SNX22: variants seen among roughly 807,000 people sequenced by gnomAD.
The protein encoded by SNX22 is sorting nexin-22.
SNX22 carries 23 observed loss-of-function variants against 24.7 expected under a neutral mutation model. The observed-to-expected ratio is 0.93, with a 90% CI of 0.67 to 1.32. SNX22 has a LOEUF of 1.32. Ranked by LOEUF, SNX22 falls within the 40% of genes most tolerant of loss-of-function variation. The pLI is 0.00. For missense variants in SNX22, 261 were observed against 249.9 expected, an observed-to-expected ratio of 1.04 and a Z score of -0.30; for synonymous variants, 99 against 104.0, an observed-to-expected ratio of 0.95 and a Z score of 0.29.
At position 64,153,951 on chromosome 15, in the gene SNX22, C is replaced by A. The variant is rs747425611; in HGVS notation, c.409C>A (p.Arg137=). The part of the protein sequence containing the change: ...PGDSSSQQHQ[R]PVLSFHVDPY... ...TCCTCCCAGCTCCCAGCAGCACCAG[C>A]GGCCTGTCCTGAGCTTCCATGTGGA... Residue 137 remains arginine (R), a synonymous_variant, in exon 6 of 7, where the codon CGG becomes AGG. Coordinates refer to ENST00000325881, the MANE Select transcript of SNX22 (RefSeq NM_024798.3). 3.1e-6 allele frequency: 5 copies of A among 1,612,826 alleles called. No individual in the cohort carries two copies. Among genetic ancestry groups the A allele is most frequent in the Admixed American group, 3.3e-5 (2 of 59,954 alleles).
chr15:64,152,378 C>A, intron 2 of SNX22, 52 bp downstream of exon 2: 1 of 1,470,720 alleles, frequency 6.8e-7, no homozygotes, highest in Non-Finnish European at 9.0e-7. Flanking sequence ...TGTCCAGCCC[C>A]CGCCCAGGCC....
intron 5 of SNX22, 73 bp from the exon 6 acceptor site, chr15:64,153,862 C>T: frequency 1.9e-6 from 3 of 1,591,600 alleles, no homozygotes; most frequent in South Asian, 2.3e-5. Flanking sequence ...GTGATGGCAA[C>T]CCCGTCTCCA....
At position 64,156,941 on chromosome 15, in the gene SNX22, C is replaced by T. The variant is rs775555112; in HGVS notation, c.*2433C>T. 6.2e-7 allele frequency: 1 copy of T among 1,609,740 alleles called. No individual in the cohort carries two copies. The highest frequency in any genetic ancestry group is 1.1e-5 in the South Asian group (1 of 90,944). The stretch of plus-strand genomic sequence containing the variant: ...AAAAAGACAGAGCAGGTCAGGGGCG[C>T]TGGATTGCGCCAAACCAAGCAGACA... On this transcript the variant is annotated 3_prime_UTR_variant, in exon 7 of 7. Transcript: ENST00000325881. The surrounding 1 kb of genome is among the most constrained non-coding windows in gnomAD (Gnocchi z 6.4).
Position 64,156,341 on chromosome 15 carries a change from T to C in SNX22, c.*1833T>C. ...CAGATTTGACGAGGGGGTACAGGAA[T>C]TTTGTTCCTTTGAAGTAAGACCCAG... is the stretch of plus-strand genomic sequence containing the variant. On this transcript the variant is annotated 3_prime_UTR_variant, in exon 7 of 7. Coordinates refer to ENST00000325881, the MANE Select transcript of SNX22 (RefSeq NM_024798.3). This position sits in a 1 kb window ranked among gnomAD's most constrained non-coding sequence, Gnocchi z 6.4. 1 of 776,136 alleles carries C rather than the reference T, an allele frequency of 1.3e-6. No homozygotes were observed. The highest frequency in any genetic ancestry group is 1.6e-5 in the South Asian group (1 of 61,698). The allele number at this position is 776,136 out of a possible 1,614,324, so 48.1% of individuals were successfully genotyped here.
At chr15:64,152,465 C>T (rs1212008992) in intron 2 of SNX22, 139 bp downstream of exon 2, 2 of 1,245,278 alleles carry the variant, frequency 1.6e-6, no homozygotes, top group African/African-American at 1.5e-5. Flanking sequence ...GGTCAGCCCC[C>T]GGGCCTCTGT....
At chr15:64,153,787 GTC>G (rs1458090779) in intron 5 of SNX22, 103 bp downstream of exon 5, 1 of 1,601,532 alleles carries the variant, frequency 6.2e-7, no homozygotes, top group African/African-American at 1.3e-5. Flanking sequence ...GGGCCCTGAA[GTC>G]TGTTTTCCCT....
intron 2 of SNX22, 26 bp downstream of exon 2, chr15:64,152,352 GC>G: frequency 6.7e-7 from 1 of 1,495,912 alleles, no homozygotes; most frequent in Non-Finnish European, 8.8e-7. Context: ...CCTCCCACCG[GC>G]CCCGGCCCAG....
rs545762413 is a variant in SNX22 at position 64,157,275 on chromosome 15, A to G, written c.*2767A>G. Reference sequence around the variant, plus strand: ...CCGTGCAGGATGCAGGGGAGTCAACAGGGTCGGAACTCTCCAGAAAAGGAG... The same window carrying G: ...CCGTGCAGGATGCAGGGGAGTCAACGGGGTCGGAACTCTCCAGAAAAGGAG... On this transcript the variant is annotated 3_prime_UTR_variant, in exon 7 of 7. Coordinates refer to ENST00000325881, the MANE Select transcript of SNX22 (RefSeq NM_024798.3). The surrounding 1 kb of genome is among the most constrained non-coding windows in gnomAD (Gnocchi z 4.2). 2.7e-5 allele frequency: 8 copies of G among 298,578 alleles called. No homozygotes were observed. The highest frequency in any genetic ancestry group is 8.5e-5 in the African/African-American group (4 of 46,836). The allele number at this position is 298,578 out of a possible 1,614,324, so 18.5% of individuals were successfully genotyped here.
At position 64,157,288 on chromosome 15, in the gene SNX22, T is replaced by C. The variant is rs1325384860; in HGVS notation, c.*2780T>C. ...AGGGGAGTCAACAGGGTCGGAACTC[T>C]CCAGAAAAGGAGGACTGCTGTGGCT... On this transcript the variant is annotated 3_prime_UTR_variant, in exon 7 of 7. Coordinates refer to ENST00000325881, the MANE Select transcript of SNX22 (RefSeq NM_024798.3). This position sits in a 1 kb window ranked among gnomAD's most constrained non-coding sequence, Gnocchi z 4.2. The C allele has an allele frequency of 8.0e-6, 2 of 250,674 alleles. No individual in the cohort carries two copies. The highest frequency in any genetic ancestry group is 6.0e-5 in the South Asian group (1 of 16,608). 15.5% of individuals were successfully genotyped at this position (250,674 alleles called of 1,614,324 possible).
Position 64,153,314 on chromosome 15 carries a change from A to G in SNX22, c.334A>G (p.Thr112Ala). The change falls in exon 4 of 7, where the codon ACA (threonine) becomes GCA (alanine). Residue 112 changes from threonine (T) to alanine (A), a missense_variant. Coordinates refer to ENST00000325881, the MANE Select transcript of SNX22 (RefSeq NM_024798.3). ...LEFLRLRHFP[T>A]DPKASNWGTL... Reference sequence around the variant, plus strand: ...ATTCCTGAGACTTCGGCACTTCCCCACAGACCCCAAGGCTAGCAACTGGGG... The same window carrying G: ...ATTCCTGAGACTTCGGCACTTCCCCGCAGACCCCAAGGCTAGCAACTGGGG... 2.5e-6 allele frequency: 4 copies of G among 1,613,876 alleles called. No individual in the cohort carries two copies. The highest frequency in any genetic ancestry group is 3.4e-6 in the Non-Finnish European group (4 of 1,179,852).
chr15:64,154,459 C>A lies in SNX22; in HGVS notation c.533C>A (p.Ala178Asp), dbSNP rs1358533911. The A allele has an allele frequency of 6.2e-7, 1 of 1,614,062 alleles. No individual in the cohort carries two copies. The highest frequency in any genetic ancestry group is 1.3e-5 in the African/African-American group (1 of 74,932). Residue 178 changes from alanine (A) to aspartate (D), a missense_variant, in exon 7 of 7, where the codon GCC (alanine) becomes GAC (aspartate). Ala to Asp is a moderately radical substitution (Grantham distance 126). Transcript: ENST00000325881. The stretch of plus-strand genomic sequence containing the variant: ...AGCTTCAGCATCAGCCCAGATAAAG[C>A]CCAGCCAAAGGCGGCCTGTCACCCT... ...LYSFSISPDK[A>D]QPKAACHPAP...
chr15:64,155,890 A>G lies in SNX22; in HGVS notation c.*1382A>G. Reference sequence around the variant, plus strand: ...AGGAGTTTGTTACAAAAGTGAGTCCATGGGCCTGTGGAATGTGAGGGGAGT... The same window carrying G: ...AGGAGTTTGTTACAAAAGTGAGTCCGTGGGCCTGTGGAATGTGAGGGGAGT... On this transcript the variant is annotated 3_prime_UTR_variant, in exon 7 of 7. Coordinates refer to ENST00000325881, the MANE Select transcript of SNX22 (RefSeq NM_024798.3). The G allele has an allele frequency of 1.5e-6, 2 of 1,370,106 alleles. No individual in the cohort carries two copies. The highest frequency in any genetic ancestry group is 1.7e-5 in the Admixed American group (1 of 59,230). 84.9% of individuals were successfully genotyped at this position (1,370,106 alleles called of 1,614,324 possible).
intron 6 of SNX22, 55 bp from the exon 7 acceptor site, chr15:64,154,331 CA>C: frequency 6.2e-7 from 1 of 1,606,556 alleles, no homozygotes; most frequent in Non-Finnish European, 8.5e-7. Context: ...AGCCCATGAG[CA>C]GGAGCTCAAG....
At chr15:64,152,199 C>A in intron 1 of SNX22, 44 bp from the exon 2 acceptor site, 1 of 1,367,624 alleles carries the variant, frequency 7.3e-7, no homozygotes, top group Non-Finnish European at 9.4e-7. Context: ...GGCGTCCTCC[C>A]GCGGGGCCTC....
chr15:64,152,583 AG>A, intron 2 of SNX22, 54 bp from the exon 3 acceptor site: 4 of 1,530,524 alleles, frequency 2.6e-6, no homozygotes, highest in Non-Finnish European at 3.6e-6. Flanking sequence ...TGGGGCGAAG[AG>A]GGCTTGAGGG....
rs1237057217 is a variant in SNX22 at position 64,153,985 on chromosome 15, T to C, written c.443T>C (p.Val148Ala). The C allele has an allele frequency of 3.1e-6, 5 of 1,614,060 alleles. No individual in the cohort carries two copies. The East Asian group carries it at 8.9e-5, about 29-fold the overall frequency. Residue 148 changes from valine to alanine, a missense_variant, in exon 6 of 7, where the codon GTT (valine) becomes GCT (alanine). By Grantham distance (64) the Val-to-Ala change is moderately conservative. Transcript: ENST00000325881. ...CTGAGCTTCCATGTGGATCCCTATG[T>C]TTGCAACCCCTCCCCAGGTGAGGAG... ...PVLSFHVDPYVCNPSPESLPN... is the reference protein window; with the variant it reads ...PVLSFHVDPYACNPSPESLPN...
At chr15:64,152,921 AG>A in intron 3 of SNX22, 179 bp downstream of exon 3, 1 of 625,602 alleles carries the variant, frequency 1.6e-6, no homozygotes, top group East Asian at 2.8e-5. Flanking sequence ...GCTTGTTGAA[AG>A]GACTGAAAGA....
intron 1 of SNX22, 147 bp downstream of exon 1, chr15:64,151,997 C>A (rs1244754292): frequency 1.1e-6 from 1 of 895,054 alleles, no homozygotes; most frequent in Non-Finnish European, 1.6e-6. Flanking sequence ...GTTTGGGGGC[C>A]GCTTGGATTT....
chr15:64,153,444 T>A, intron 4 of SNX22, 105 bp downstream of exon 4: 1 of 1,566,378 alleles, frequency 6.4e-7, no homozygotes. Context: ...GGATCCAGCA[T>A]GACCGCCCTC....
Sources: allele counts gnomAD v4.1 joint callset, GRCh38; gene constraint gnomAD v4.1.1; non-coding constraint Gnocchi (gnomAD v3.1); transcripts MANE v1.5; gene names NCBI Gene and HGNC (gene_info 2026-07-23, HGNC 2026-07-21).